Variants in TMTC2 observed in about 807,000 individuals in gnomAD.
The protein encoded by TMTC2 is protein O-mannosyl-transferase TMTC2.
In TMTC2, 43 loss-of-function variants were observed where a neutral mutation model predicts 82.4. That is an observed-to-expected ratio of 0.52 (90% CI 0.41 to 0.67). The LOEUF (loss-of-function observed/expected upper bound fraction) is 0.67. Among genes scored for constraint, TMTC2 ranks in the 30% least tolerant of loss-of-function variants. TMTC2 has a pLI of 0.00. For missense variants in TMTC2, 919 were observed against 1,012.4 expected (o/e 0.91, Z 1.25); for synonymous variants, 408 against 381.9 (o/e 1.07, Z -0.80).
chr12:82,836,722 A>G (rs1870062262), intron 1 of TMTC2, among the ~76,000 whole-genome samples: 1 of 152,242 alleles, frequency 6.6e-6, no homozygotes, highest in South Asian at 2.1e-4. Context: ...ATAGGAAACT[A>G]ACACAGATCA....
chr12:82,845,756 A>G (rs1870624316), intron 1 of TMTC2, among the ~76,000 whole-genome samples: 1 of 152,084 alleles, frequency 6.6e-6, no homozygotes, highest in Non-Finnish European at 1.5e-5. Flanking sequence ...TATTTTAATC[A>G]GTGAAAGTGC....
chr12:83,110,968 T>C (rs1010792105), intron 11 of TMTC2, among the ~76,000 whole-genome samples: 3 of 152,338 alleles, frequency 2.0e-5, no homozygotes, highest in Admixed American at 2.0e-4. Flanking sequence ...CTAAACTGAA[T>C]TCCTGATCAT....
rs113094146 is a variant in TMTC2, at chr12:82,782,588, C to T, written c.84-74422C>T. Among the ~76,000 whole-genome samples the T allele has an allele frequency of 9.2e-5, 14 of 152,284 alleles. 2 individuals are homozygous for T. The highest frequency in any genetic ancestry group is 3.4e-4 in the African/African-American group (14 of 41,576). Reference sequence around the variant, plus strand: ...ATGTTTGTACAAGTCAAAGATCTCACTCATGATCACTTTGGAGAGCTGATT... The same window carrying T: ...ATGTTTGTACAAGTCAAAGATCTCATTCATGATCACTTTGGAGAGCTGATT... On this transcript the variant is annotated intron_variant, in intron 1 of 11. Coordinates refer to ENST00000321196, the MANE Select transcript of TMTC2 (RefSeq NM_152588.3).
At chr12:83,114,812 T>TA (rs1264619158) in intron 11 of TMTC2, among the ~76,000 whole-genome samples, 2 of 152,022 alleles carry the variant, frequency 1.3e-5, no homozygotes, top group Non-Finnish European at 2.9e-5. Context: ...AGTATGTCTA[T>TA]ACTTCTTGCC....
chr12:82,890,701 T>C (rs1873351847), intron 2 of TMTC2, among the ~76,000 whole-genome samples: 1 of 152,180 alleles, frequency 6.6e-6, no homozygotes, highest in Non-Finnish European at 1.5e-5. Context: ...AAAACTATCC[T>C]TTAAGCCATT....
intron 11 of TMTC2, among the ~76,000 whole-genome samples, 190 bp downstream of exon 11, chr12:83,062,021 C>T (rs946340931): frequency 1.3e-5 from 2 of 151,752 alleles, no homozygotes; most frequent in African/African-American, 4.8e-5. Flanking sequence ...TAAAATCTGC[C>T]GGCCTCAAGC....
At chr12:83,104,492 G>A (rs898889699) in intron 11 of TMTC2, among the ~76,000 whole-genome samples, 22 of 152,184 alleles carry the variant, frequency 1.4e-4, no homozygotes, top group African/African-American at 4.6e-4. Context: ...TTAACATTAT[G>A]TGGAAGCTGC....
At chr12:82,970,974 T>C (rs1878423770) in intron 7 of TMTC2, among the ~76,000 whole-genome samples, 1 of 152,184 alleles carries the variant, frequency 6.6e-6, no homozygotes, top group Non-Finnish European at 1.5e-5. Flanking sequence ...ATGATTTATT[T>C]TTCATCTAGA....
chr12:82,687,785 TG>T (rs1872396064), intron 1 of TMTC2, 116 bp downstream of exon 1: 5 of 988,372 alleles, frequency 5.1e-6, no homozygotes, highest in Middle Eastern at 2.1e-4. Flanking sequence ...CAGCACCTGA[TG>T]GTTTAGGCGA....
At chr12:82,899,480 T>C (rs527655910) in intron 3 of TMTC2, among the ~76,000 whole-genome samples, 1 of 150,536 alleles carries the variant, frequency 6.6e-6, no homozygotes, top group African/African-American at 2.4e-5. Flanking sequence ...GTTGGCATCA[T>C]GGCCTGGGTG....
intron 8 of TMTC2, among the ~76,000 whole-genome samples, chr12:82,992,632 G>A (rs1019758091): frequency 6.6e-6 from 1 of 152,124 alleles, no homozygotes; most frequent in Non-Finnish European, 1.5e-5. Flanking sequence ...GGAGCTAATA[G>A]AGTTATCATT....
intron 9 of TMTC2, 21 bp from the exon 10 acceptor site, chr12:83,050,883 A>T (rs775495366): frequency 6.4e-7 from 1 of 1,558,338 alleles, no homozygotes; most frequent in Non-Finnish European, 8.8e-7. Flanking sequence ...GTTGAAGCTC[A>T]CTGGTTTTTA....
Position 82,687,051 on chromosome 12 carries a change from C to G in TMTC2, c.-536C>G, listed in dbSNP as rs965296961. Reference sequence around the variant, plus strand: ...AGCAGCTGCCTTGGCGGCCGGAGTCCGCCCGAGCGACACCGGAGCAGTGCG... The same window carrying G: ...AGCAGCTGCCTTGGCGGCCGGAGTCGGCCCGAGCGACACCGGAGCAGTGCG... On this transcript the variant is annotated 5_prime_UTR_variant, in exon 1 of 12. Coordinates refer to ENST00000321196, the MANE Select transcript of TMTC2 (RefSeq NM_152588.3). 1 of 161,996 alleles carries G rather than the reference C, an allele frequency of 6.2e-6. No individual in the cohort carries two copies. Among genetic ancestry groups the G allele is most frequent in the African/African-American group, 2.4e-5 (1 of 41,498 alleles). 10.0% of individuals were successfully genotyped at this position (161,996 alleles called of 1,614,324 possible).
intron 11 of TMTC2, among the ~76,000 whole-genome samples, chr12:83,119,846 A>T (rs1197478320): frequency 6.6e-6 from 1 of 151,992 alleles, no homozygotes; most frequent in African/African-American, 2.4e-5. Flanking sequence ...TATGTTTAGG[A>T]TTGTGATATT....
intron 1 of TMTC2, among the ~76,000 whole-genome samples, chr12:82,823,973 A>G (rs535139547): frequency 1.0e-4 from 15 of 148,960 alleles, no homozygotes; most frequent in Admixed American, 2.0e-4. Context: ...GACTCTTTGC[A>G]ACCTCCGCTT....
At chr12:82,849,683 C>G (rs1870871079) in intron 1 of TMTC2, among the ~76,000 whole-genome samples, 1 of 152,100 alleles carries the variant, frequency 6.6e-6, no homozygotes, top group African/African-American at 2.4e-5. Context: ...GGGAATTACA[C>G]AGTGCCATAC....
At chr12:82,776,673 T>TACTTAGGA (rs1309048595) in intron 1 of TMTC2, among the ~76,000 whole-genome samples, 1 of 150,160 alleles carries the variant, frequency 6.7e-6, no homozygotes, top group East Asian at 2.0e-4. Flanking sequence ...TAGTCCCAGC[T>TACTTAGGA]ACTTAGGAGG....
intron 10 of TMTC2, among the ~76,000 whole-genome samples, chr12:83,059,959 C>A (rs536061985): frequency 6.6e-6 from 1 of 151,768 alleles, no homozygotes; most frequent in African/African-American, 2.4e-5. Context: ...CGGGAGAAAA[C>A]CTTTCCAGGG....
At chr12:83,071,014 C>A (rs1216727323) in intron 11 of TMTC2, among the ~76,000 whole-genome samples, 2 of 152,108 alleles carry the variant, frequency 1.3e-5, no homozygotes, top group Non-Finnish European at 2.9e-5. Context: ...GTATGTTAAA[C>A]CATTCCTGCA....
Sources: gnomAD v4.1 joint callset for allele counts (sites outside exome capture counted in the v4.1 genomes callset) on GRCh38, gnomAD v4.1.1 for gene constraint, MANE v1.5 for transcripts, NCBI Gene and HGNC (gene_info 2026-07-23, HGNC 2026-07-21) for gene names.